The following RPRD1A variants were observed in gnomAD, a reference collection of about 807,000 sequenced individuals.
RPRD1A encodes regulation of nuclear pre-mRNA domain-containing protein 1A.
Under a neutral mutation model 37.8 loss-of-function variants are expected in RPRD1A, and 9 were observed. The observed-to-expected ratio is 0.24, with a 90% CI of 0.14 to 0.42. RPRD1A has a LOEUF of 0.42. Ranked by LOEUF, RPRD1A falls within the 10% of genes least tolerant of loss-of-function variation. RPRD1A has a pLI of 1.00. For synonymous variants in RPRD1A, 138 were observed against 139.7 expected (o/e 0.99, Z 0.08); for missense variants, 255 against 371.0 (o/e 0.69, Z 2.57).
chr18:36,059,947 GACA>G (rs1336886969), intron 1 of RPRD1A, among the ~76,000 whole-genome samples: 1 of 152,110 alleles, frequency 6.6e-6, no homozygotes, highest in Non-Finnish European at 1.5e-5. Flanking sequence ...ATGTCAGTTT[GACA>G]ACATTAATCC....
intron 6 of RPRD1A, chr18:36,025,102 G>T (rs1911269951): frequency 6.6e-6 from 1 of 152,326 alleles, no homozygotes; most frequent in African/African-American, 2.4e-5. Context: ...TAGGACTTTA[G>T]CATTTGCTTT....
At chr18:36,031,808 A>T (rs1344071684) in intron 2 of RPRD1A, among the ~76,000 whole-genome samples, 1 of 152,204 alleles carries the variant, frequency 6.6e-6, no homozygotes, top group Non-Finnish European at 1.5e-5. Context: ...CAGATTATAC[A>T]GCTCTTGATC....
In RPRD1A at chr18:35,993,163, G is replaced by A; in HGVS notation, c.927C>T (p.Tyr309=). Residue 309 remains tyrosine (Y), a synonymous_variant, in exon 7 of 7, where the codon TAC becomes TAT. Coordinates refer to ENST00000399022, the MANE Select transcript of RPRD1A (RefSeq NM_018170.5). ...HMHLPFAGDI[Y]SED ...AGAGGCTGGTCCATCAATCTTCACT[G>A]TAGATGTCTCCCGCAAAGGGCAGGT... The A allele has an allele frequency of 6.2e-7, 1 of 1,614,022 alleles. No homozygotes were observed. The highest frequency in any genetic ancestry group is 8.5e-7 in the Non-Finnish European group (1 of 1,179,992).
chr18:36,010,958 A>C (rs969205004), intron 6 of RPRD1A, among the ~76,000 whole-genome samples: 2 of 152,178 alleles, frequency 1.3e-5, no homozygotes, highest in Admixed American at 6.5e-5. Flanking sequence ...TAGCAAAACA[A>C]ACACTTCCTC....
chr18:36,050,123 A>C (rs1324228637), intron 1 of RPRD1A, among the ~76,000 whole-genome samples: 1 of 152,102 alleles, frequency 6.6e-6, no homozygotes, highest in African/African-American at 2.4e-5. Flanking sequence ...ACAAAGTTTC[A>C]GTTTGGGAAA....
At chr18:36,057,461 T>C (rs1029483137) in intron 1 of RPRD1A, among the ~76,000 whole-genome samples, 8 of 151,604 alleles carry the variant, frequency 5.3e-5, no homozygotes. Flanking sequence ...ACAAAAAAAA[T>C]TATTAGCCAG....
chr18:36,041,793 G>C (rs539654223), intron 1 of RPRD1A, among the ~76,000 whole-genome samples: 20 of 152,216 alleles, frequency 1.3e-4, no homozygotes, highest in Non-Finnish European at 2.8e-4. Context: ...AGCATATCAA[G>C]AGATGATTCT....
At position 36,027,104 on chromosome 18, in the gene RPRD1A, T is replaced by G. The variant is rs759523706; in HGVS notation, c.614-29A>C. On this transcript the variant is annotated intron_variant, in intron 5 of 6. Coordinates refer to ENST00000399022, the MANE Select transcript of RPRD1A (RefSeq NM_018170.5). The stretch of plus-strand genomic sequence containing the variant: ...AGAAAAGCACGGGATAATAAAATAT[T>G]ATACAACAAAAACAATGACATATGC... 5 of 1,612,190 alleles carry G rather than the reference T, an allele frequency of 3.1e-6. No individual in the cohort carries two copies. The African/African-American group carries it at 5.3e-5, about 17-fold the overall frequency.
intron 1 of RPRD1A, among the ~76,000 whole-genome samples, chr18:36,051,116 G>A (rs1913358903): frequency 6.6e-6 from 1 of 152,066 alleles, no homozygotes; most frequent in South Asian, 2.1e-4. Flanking sequence ...GACCTATGTT[G>A]TTCAATGGAA....
intron 2 of RPRD1A, among the ~76,000 whole-genome samples, chr18:36,032,572 G>A (rs1911873077): frequency 6.6e-6 from 1 of 152,104 alleles, no homozygotes; most frequent in Non-Finnish European, 1.5e-5. Context: ...ACTCTGTCGA[G>A]TTTTCTAAAG....
intron 1 of RPRD1A, chr18:36,064,088 C>G (rs898667969): frequency 1.3e-5 from 2 of 152,296 alleles, no homozygotes; most frequent in African/African-American, 2.4e-5. Flanking sequence ...GAGGTGACAA[C>G]GTCCTAGCAG....
intron 6 of RPRD1A, among the ~76,000 whole-genome samples, chr18:36,008,533 A>G (rs529885573): frequency 7.1e-5 from 7 of 99,170 alleles, no homozygotes; most frequent in African/African-American, 2.5e-4. Context: ...CCATGATTGC[A>G]CCATCGCACT....
At chr18:36,050,846 A>C (rs1386783210) in intron 1 of RPRD1A, among the ~76,000 whole-genome samples, 2 of 150,998 alleles carry the variant, frequency 1.3e-5, no homozygotes, top group Non-Finnish European at 2.9e-5. Flanking sequence ...CACCAGAATC[A>C]ATTTTTCTTT....
chr18:35,992,244 T>C lies in RPRD1A; in HGVS notation c.*907A>G, dbSNP rs1381505867. On this transcript the variant is annotated 3_prime_UTR_variant, in exon 7 of 7. Transcript: ENST00000399022. The stretch of plus-strand genomic sequence containing the variant: ...GTTCTTGAGCTATTAGAGCTAAAAG[T>C]ATTATTTTTAAAGTTATATGAGCAA... The C allele has an allele frequency of 2.0e-5, 3 of 152,618 alleles. No homozygotes were observed. The highest frequency in any genetic ancestry group is 2.0e-4 in the Admixed American group (3 of 15,278). The allele number at this position is 152,618 out of a possible 1,614,324, so 9.5% of individuals were successfully genotyped here. A position where few individuals can be genotyped will look rare whatever the true frequency, so the allele number is the denominator to read the frequency against.
chr18:36,023,226 A>C (rs1911130837), intron 6 of RPRD1A, among the ~76,000 whole-genome samples: 1 of 152,260 alleles, frequency 6.6e-6, no homozygotes, highest in Non-Finnish European at 1.5e-5. Flanking sequence ...GATGGCATTA[A>C]AAACATTCAT....
At chr18:36,045,166 G>C (rs1212605138) in intron 1 of RPRD1A, among the ~76,000 whole-genome samples, 1 of 152,088 alleles carries the variant, frequency 6.6e-6, no homozygotes, top group Non-Finnish European at 1.5e-5. Flanking sequence ...CTTGAACCTG[G>C]GAGGTGGAGG....
chr18:36,011,631 T>C (rs995322582), intron 6 of RPRD1A, among the ~76,000 whole-genome samples: 4 of 152,066 alleles, frequency 2.6e-5, no homozygotes, highest in Non-Finnish European at 5.9e-5. Context: ...GATGAACATC[T>C]CCAACATTAA....
chr18:36,026,607 G>A (rs773320702), intron 6 of RPRD1A: 2 of 236,446 alleles, frequency 8.5e-6, no homozygotes, highest in Non-Finnish European at 1.6e-5. Context: ...TATTATTTCT[G>A]TGATACATTA....
chr18:36,032,818 T>C (rs1826807439), intron 2 of RPRD1A, among the ~76,000 whole-genome samples: 1 of 152,036 alleles, frequency 6.6e-6, no homozygotes, highest in South Asian at 2.1e-4. Context: ...AGCAAGGACA[T>C]AATGAGTTCT....
Sources: allele counts gnomAD v4.1 joint callset (sites outside exome capture counted in the v4.1 genomes callset), GRCh38; gene constraint gnomAD v4.1.1; transcripts MANE v1.5; gene names NCBI Gene and HGNC (gene_info 2026-07-23, HGNC 2026-07-21).